ZNF569: variants seen among roughly 807,000 people sequenced by gnomAD.
ZNF569 encodes zinc finger protein 569, also known as DNA-binding protein.
In ZNF569, 38 loss-of-function variants were observed where a neutral mutation model predicts 56.3. That is an observed-to-expected ratio of 0.68 (90% CI 0.52 to 0.88). The LOEUF is 0.88. Ranked by LOEUF, ZNF569 falls within the 40% of genes least tolerant of loss-of-function variation. The pLI is 0.00. For missense variants in ZNF569, 666 were observed against 809.2 expected (o/e 0.82, Z 2.15); for synonymous variants, 241 against 262.9 (o/e 0.92, Z 0.81).
intron 3 of ZNF569, among the ~76,000 whole-genome samples, chr19:37,431,987 T>G (rs942557560): frequency 6.6e-6 from 1 of 152,164 alleles, no homozygotes; most frequent in Non-Finnish European, 1.5e-5. Context: ...CTTTGCCATG[T>G]GGCTTGGGTG....
chr19:37,467,656 G>T, upstream of ZNF569: 1 of 597,534 alleles, frequency 1.7e-6, no homozygotes. Context: ...GGCCAGTGAA[G>T]GCCGGGTCAG....
intron 5 of ZNF569, among the ~76,000 whole-genome samples, chr19:37,422,779 G>A (rs2041060104): frequency 6.6e-6 from 1 of 152,064 alleles, no homozygotes; most frequent in African/African-American, 2.4e-5. Context: ...GGTGCGGGGG[G>A]AATAGAACTT....
rs1453416771 is a variant in ZNF569 at position 37,412,172 on chromosome 19, TGATAA to T, written c.*420_*424del. On this transcript the variant is annotated 3_prime_UTR_variant, in exon 6 of 6. Coordinates refer to ENST00000316950, the MANE Select transcript of ZNF569 (RefSeq NM_152484.3). ...GTGCCTTTCAACATATTTTATAACT[TGATAA>T]AGACCTAACTCATTGTTGTGTTTAT... is the stretch of plus-strand genomic sequence containing the variant. 6.5e-6 allele frequency: 1 copy of T among 154,700 alleles called. No homozygotes were observed. The highest frequency in any genetic ancestry group is 1.4e-5 in the Non-Finnish European group (1 of 69,602). The allele number at this position is 154,700 out of a possible 1,614,324, so 9.6% of individuals were successfully genotyped here.
At chr19:37,420,666 G>A (rs1485109593) in intron 5 of ZNF569, among the ~76,000 whole-genome samples, 1 of 152,102 alleles carries the variant, frequency 6.6e-6, no homozygotes, top group East Asian at 1.9e-4. Context: ...CTCCACTGAA[G>A]CCTTGAATCC....
chr19:37,434,550 G>T (rs549215940), intron 3 of ZNF569, among the ~76,000 whole-genome samples: 3 of 152,154 alleles, frequency 2.0e-5, no homozygotes, highest in Admixed American at 2.0e-4. Context: ...TTAGCTGGGC[G>T]TGGAGTGGCG....
At chr19:37,454,543 T>TA (rs533351443) in intron 2 of ZNF569, among the ~76,000 whole-genome samples, 1 of 152,132 alleles carries the variant, frequency 6.6e-6, no homozygotes, top group Non-Finnish European at 1.5e-5. Context: ...AATAGCTTTC[T>TA]ACAAGTCTCC....
intron 2 of ZNF569, chr19:37,454,820 C>T: frequency 1.4e-6 from 1 of 701,796 alleles, no homozygotes; most frequent in Non-Finnish European, 2.6e-6. Flanking sequence ...AACTTGATAG[C>T]TGTATTTTCT....
intron 3 of ZNF569, among the ~76,000 whole-genome samples, chr19:37,434,044 T>C (rs535195480): frequency 6.6e-6 from 1 of 152,304 alleles, no homozygotes; most frequent in African/African-American, 2.4e-5. Context: ...GGCTCACACC[T>C]GTAATCCTAC....
chr19:37,453,265 C>T lies in ZNF569; in HGVS notation c.-43-8301G>A, dbSNP rs1054262968. 3.9e-4 allele frequency among the ~76,000 whole-genome samples: 59 copies of T among 152,178 alleles called. 1 individual carries two copies. The highest frequency in any genetic ancestry group is 1.4e-3 in the African/African-American group (56 of 41,442). On this transcript the variant is annotated intron_variant, in intron 2 of 5. Coordinates refer to ENST00000316950, the MANE Select transcript of ZNF569 (RefSeq NM_152484.3). Reference sequence around the variant, plus strand: ...TCTCCAGCAACAGGGTATCCTGAATCTCCCTACTAGCTTCACTAGTCTTGT... The same window carrying T: ...TCTCCAGCAACAGGGTATCCTGAATTTCCCTACTAGCTTCACTAGTCTTGT...
intron 3 of ZNF569, among the ~76,000 whole-genome samples, chr19:37,438,920 CTT>C (rs2041357325): frequency 6.6e-6 from 1 of 151,980 alleles, no homozygotes; most frequent in Admixed American, 6.6e-5. Flanking sequence ...AGTCTAATAA[CTT>C]GATTTAAAAA....
chr19:37,426,134 G>C lies in ZNF569; in HGVS notation c.142+118C>G, dbSNP rs563885424. On this transcript the variant is annotated intron_variant, in intron 4 of 5. Coordinates refer to ENST00000316950, the MANE Select transcript of ZNF569 (RefSeq NM_152484.3). ...AGCATGGACATTCACATGAGCAAAA[G>C]CATCCCAAGGCCAAGCTCACTCTAA... 11 of 1,347,594 alleles carry C rather than the reference G, an allele frequency of 8.2e-6. No homozygotes were observed. The South Asian group carries it at 1.6e-4, about 19-fold the overall frequency. 83.5% of individuals were successfully genotyped at this position (1,347,594 alleles called of 1,614,324 possible).
In ZNF569 at chr19:37,412,753, G is replaced by C. The variant is rs769866462; in HGVS notation, c.1905C>G (p.Asp635Glu). 6.2e-7 allele frequency: 1 copy of C among 1,613,502 alleles called. No individual in the cohort carries two copies. The highest frequency in any genetic ancestry group is 8.5e-7 in the Non-Finnish European group (1 of 1,179,808). Reference sequence around the variant, plus strand: ...AGAAGGCTTTTCCACATTTACTACAGTCGAAGGGTTTCTCACCTGTATGTC... The same window carrying C: ...AGAAGGCTTTTCCACATTTACTACACTCGAAGGGTTTCTCACCTGTATGTC... The part of the protein sequence containing the change: ...IRGHTGEKPF[D>E]CSKCGKAFSQ... Residue 635 changes from aspartate (D) to glutamate (E), a missense_variant, in exon 6 of 6, where the codon GAC becomes GAG. Coordinates refer to ENST00000316950, the MANE Select transcript of ZNF569 (RefSeq NM_152484.3).
At chr19:37,433,575 A>G (rs1482487180) in intron 3 of ZNF569, among the ~76,000 whole-genome samples, 2 of 152,222 alleles carry the variant, frequency 1.3e-5, no homozygotes, top group East Asian at 3.9e-4. Flanking sequence ...CTAAAGGTCA[A>G]TGATAAAGAA....
intron 5 of ZNF569, chr19:37,425,594 T>C (rs2041117250): frequency 9.3e-6 from 2 of 214,072 alleles, no homozygotes; most frequent in Non-Finnish European, 1.9e-5. Context: ...GTGCAGGGAT[T>C]ACAGGCGCAA....
chr19:37,424,024 C>T (rs1029471690), intron 5 of ZNF569, among the ~76,000 whole-genome samples: 90 of 151,922 alleles, frequency 5.9e-4, no homozygotes, highest in African/African-American at 2.1e-3. Context: ...TATATAGATG[C>T]ACACCTACAT....
chr19:37,438,022 G>T (rs904403001), intron 3 of ZNF569, among the ~76,000 whole-genome samples: 1 of 124,076 alleles, frequency 8.1e-6, no homozygotes, highest in South Asian at 2.4e-4. Flanking sequence ...AAGCCATCCT[G>T]AGCAAACAGA....
upstream of ZNF569, chr19:37,468,959 T>C (rs924526513): frequency 1.3e-6 from 1 of 778,596 alleles, no homozygotes; most frequent in Non-Finnish European, 1.6e-6. Context: ...GACGCGCCAC[T>C]AGCGCGTTCC....
intron 3 of ZNF569, among the ~76,000 whole-genome samples, chr19:37,429,252 C>T (rs2041186631): frequency 6.6e-6 from 1 of 152,176 alleles, no homozygotes; most frequent in African/African-American, 2.4e-5. Context: ...TATACCATTT[C>T]TCCTAAGCTT....
At position 37,413,402 on chromosome 19, in the gene ZNF569, A is replaced by G; in HGVS notation, c.1256T>C (p.Phe419Ser). 3 of 1,613,092 alleles carry G rather than the reference A, an allele frequency of 1.9e-6. No individual in the cohort carries two copies. The highest frequency in any genetic ancestry group is 2.5e-6 in the Non-Finnish European group (3 of 1,179,682). The change falls in exon 6 of 6, where the codon TTC (phenylalanine) becomes TCC (serine). Residue 419 changes from phenylalanine to serine, a missense_variant. Physicochemically the swap from Phe to Ser is radical, Grantham distance 155. Transcript: ENST00000316950. ...PYECKECRKA[F>S]SHKKNFITHQ... ...TGTAATGAAGTTTTTCTTGTGGCTG[A>G]AGGCTTTTCTGCATTCCTTACATTC... is the stretch of plus-strand genomic sequence containing the variant.
Sources: gnomAD v4.1 joint callset for allele counts (sites outside exome capture counted in the v4.1 genomes callset) on GRCh38, gnomAD v4.1.1 for gene constraint, MANE v1.5 for transcripts, NCBI Gene and HGNC (gene_info 2026-07-23, HGNC 2026-07-21) for gene names.